Variants in PAX5 observed in about 807,000 individuals in gnomAD.
The protein encoded by PAX5 is paired box 5.
Under a neutral mutation model 43.7 loss-of-function variants are expected in PAX5, and 9 were observed. The observed-to-expected ratio is 0.21, with a 90% CI of 0.12 to 0.36. The LOEUF is 0.36. Among genes scored for constraint, PAX5 ranks in the 10% least tolerant of loss-of-function variants. The pLI is 1.00. For missense variants in PAX5, 383 were observed against 532.7 expected (o/e 0.72, Z 2.77); for synonymous variants, 228 against 214.3 (o/e 1.06, Z -0.56).
intron 5 of PAX5, among the ~76,000 whole-genome samples, chr9:36,978,890 A>G (rs1050747563): frequency 6.6e-6 from 1 of 152,186 alleles, no homozygotes; most frequent in Non-Finnish European, 1.5e-5. Flanking sequence ...CCAAGATTAT[A>G]TTCCCCATAA....
At chr9:36,941,107 C>T (rs759135588) in intron 6 of PAX5, among the ~76,000 whole-genome samples, 1 of 152,148 alleles carries the variant, frequency 6.6e-6, no homozygotes, top group African/African-American at 2.4e-5. Context: ...CACGGATTAG[C>T]GTGCAAGGGC....
At chr9:37,018,802 AG>A (rs1325478206) in intron 2 of PAX5, among the ~76,000 whole-genome samples, 4 of 152,158 alleles carry the variant, frequency 2.6e-5, no homozygotes, top group Admixed American at 2.0e-4. Context: ...CACTCTACCT[AG>A]TGACAAATCT....
chr9:36,907,717 G>C (rs1828938421), intron 7 of PAX5, among the ~76,000 whole-genome samples: 1 of 152,144 alleles, frequency 6.6e-6, no homozygotes, highest in Non-Finnish European at 1.5e-5. Flanking sequence ...ACAATGCAGA[G>C]AGTTTGAACC....
At chr9:36,996,099 C>T (rs1837372292) in intron 5 of PAX5, among the ~76,000 whole-genome samples, 1 of 152,246 alleles carries the variant, frequency 6.6e-6, no homozygotes, top group South Asian at 2.1e-4. Context: ...CTCCGTGGCT[C>T]CACAGCTCCA....
chr9:36,988,891 A>T (rs752534980), intron 5 of PAX5, among the ~76,000 whole-genome samples: 21 of 152,200 alleles, frequency 1.4e-4, no homozygotes, highest in Non-Finnish European at 2.9e-4. Flanking sequence ...AAAAGGCAGG[A>T]ATTATTATCC....
intron 5 of PAX5, among the ~76,000 whole-genome samples, chr9:36,972,405 G>A (rs1352334300): frequency 6.6e-6 from 1 of 152,238 alleles, no homozygotes; most frequent in African/African-American, 2.4e-5. Context: ...GACCCCAGTA[G>A]TAAGCTAAGG....
intron 6 of PAX5, among the ~76,000 whole-genome samples, chr9:36,954,154 T>A (rs554930622): frequency 1.3e-5 from 2 of 152,248 alleles, no homozygotes; most frequent in Non-Finnish European, 2.9e-5. Context: ...CTTACTTTTT[T>A]TTTTCTTGCC....
chr9:36,920,161 T>C (rs549382311), intron 7 of PAX5, among the ~76,000 whole-genome samples: 5 of 152,344 alleles, frequency 3.3e-5, no homozygotes, highest in African/African-American at 1.2e-4. Context: ...GTGAAGATAC[T>C]GTGAACATTG....
At chr9:36,981,434 C>CAAAAAAAAAAAAAAAAA (rs571402545) in intron 5 of PAX5, among the ~76,000 whole-genome samples, 1 of 97,104 alleles carries the variant, frequency 1.0e-5, no homozygotes, top group Non-Finnish European at 2.0e-5. Context: ...CTGAAACTGG[C>CAAAAAAAAAAAAAAAAA]AAAAAAAAAA....
intron 7 of PAX5, among the ~76,000 whole-genome samples, chr9:36,908,128 G>T (rs1193456137): frequency 1.3e-5 from 2 of 151,774 alleles, no homozygotes; most frequent in Middle Eastern, 3.4e-3. Flanking sequence ...GAGGCTGGGA[G>T]GACAAGGGTA....
chr9:37,028,247 C>A (rs1840632542), intron 1 of PAX5, among the ~76,000 whole-genome samples: 1 of 152,208 alleles, frequency 6.6e-6, no homozygotes, highest in Non-Finnish European at 1.5e-5. Flanking sequence ...CCTCACTTTC[C>A]TCTTCTGTAA....
At position 36,931,771 on chromosome 9, in the gene PAX5, C is replaced by T. The variant is rs958000411; in HGVS notation, c.781-8287G>A. Among the ~76,000 whole-genome samples, 6 of 149,784 alleles carry T rather than the reference C, an allele frequency of 4.0e-5. No homozygotes were observed. The East Asian group carries it at 1.2e-3, about 29-fold the overall frequency. ...GGCTGAGGCAGGAGAATTGCTTGAA[C>T]CCAGGAGGCGGAGGCTGCACACTGA... On this transcript the variant is annotated intron_variant, in intron 6 of 9. Coordinates refer to ENST00000358127, the MANE Select transcript of PAX5 (RefSeq NM_016734.3).
intron 5 of PAX5, among the ~76,000 whole-genome samples, chr9:36,994,696 G>C (rs909955302): frequency 6.6e-6 from 1 of 152,178 alleles, no homozygotes; most frequent in African/African-American, 2.4e-5. Flanking sequence ...ATGAGAACTC[G>C]GGCCCAGCAG....
chr9:36,990,434 G>T (rs184942183), intron 5 of PAX5, among the ~76,000 whole-genome samples: 139 of 152,326 alleles, frequency 9.1e-4, no homozygotes, highest in Non-Finnish European at 1.3e-3. Context: ...GGGCCTGGCA[G>T]CCTTGTTAAG....
intron 6 of PAX5, among the ~76,000 whole-genome samples, chr9:36,929,235 GAGGAAGGAAGGAAGGA>G (rs56223123): frequency 0.34 from 45,747 of 133,818 alleles, 7,844 homozygotes; most frequent in East Asian, 0.63. Flanking sequence ...AGGAAGGAAG[GAGGAAGGAAGGAAGGA>G]AGGAAGGAAG....
chr9:37,014,085 T>G (rs1839189697), intron 3 of PAX5, among the ~76,000 whole-genome samples: 1 of 152,206 alleles, frequency 6.6e-6, no homozygotes, highest in South Asian at 2.1e-4. Context: ...CTCTGCAGAG[T>G]TTAGAGAACC....
chr9:37,007,562 G>A (rs1782818703), intron 3 of PAX5: 1 of 152,242 alleles, frequency 6.6e-6, no homozygotes, highest in South Asian at 2.1e-4. Context: ...AAGCTCCTTC[G>A]GATCTACCAG....
At position 36,844,529 on chromosome 9, in the gene PAX5, T is replaced by A. The variant is rs140567775; in HGVS notation, c.1099+2314A>T. On this transcript the variant is annotated intron_variant, in intron 9 of 9. Coordinates refer to ENST00000358127, the MANE Select transcript of PAX5 (RefSeq NM_016734.3). The stretch of plus-strand genomic sequence containing the variant: ...TACAATTAGCAAGCGCTCATGTAGA[T>A]GAATGGAGCTTTGCTTCCTTTTCCT... Among the ~76,000 whole-genome samples the A allele has an allele frequency of 1.5e-3, 225 of 152,318 alleles. 1 individual carries two copies. The highest frequency in any genetic ancestry group is 5.3e-3 in the African/African-American group (219 of 41,568).
intron 8 of PAX5, among the ~76,000 whole-genome samples, chr9:36,869,183 G>A (rs1825185311): frequency 6.6e-6 from 1 of 152,286 alleles, no homozygotes; most frequent in South Asian, 2.1e-4. Context: ...TTGGAGACAG[G>A]GGCTGCAGAT....
Sources: allele counts gnomAD v4.1 joint callset (sites outside exome capture counted in the v4.1 genomes callset), GRCh38; gene constraint gnomAD v4.1.1; transcripts MANE v1.5; gene names NCBI Gene and HGNC (gene_info 2026-07-23, HGNC 2026-07-21).